Variants in CFAP299 observed in about 807,000 individuals in gnomAD.
The protein encoded by CFAP299 is cilia- and flagella-associated protein 299.
Under a neutral mutation model 27.0 loss-of-function variants are expected in CFAP299, and 21 were observed. The observed-to-expected ratio is 0.78, with a 90% CI of 0.55 to 1.12. CFAP299 has a LOEUF of 1.12. Ranked by LOEUF, CFAP299 falls within the 50% of genes most tolerant of loss-of-function variation. CFAP299 has a pLI of 0.00. For missense variants in CFAP299, 310 were observed against 276.6 expected (o/e 1.12, Z -0.86); for synonymous variants, 104 against 98.1 (o/e 1.06, Z -0.36).
At chr4:80,839,968 T>A (rs573696568) in intron 3 of CFAP299, among the ~76,000 whole-genome samples, 1 of 152,242 alleles carries the variant, frequency 6.6e-6, no homozygotes, top group Non-Finnish European at 1.5e-5. Context: ...ACTCTACAGA[T>A]AATGAAACTG....
At chr4:80,475,763 T>C (rs1397809690) in intron 2 of CFAP299, among the ~76,000 whole-genome samples, 1 of 152,174 alleles carries the variant, frequency 6.6e-6, no homozygotes, top group Non-Finnish European at 1.5e-5. Context: ...AAATATTTGG[T>C]GTTTAAAACT....
At chr4:80,594,302 C>T (rs1192513522) in intron 3 of CFAP299, among the ~76,000 whole-genome samples, 1 of 152,110 alleles carries the variant, frequency 6.6e-6, no homozygotes, top group Non-Finnish European at 1.5e-5. Flanking sequence ...ACTTTTCAAA[C>T]ACTTATAAAA....
At chr4:80,614,195 AT>A (rs949136594) in intron 3 of CFAP299, among the ~76,000 whole-genome samples, 17 of 152,244 alleles carry the variant, frequency 1.1e-4, no homozygotes, top group African/African-American at 3.4e-4. Flanking sequence ...AAATAATGCT[AT>A]TTTTTTCTAT....
At chr4:80,890,734 C>T (rs893584067) in intron 4 of CFAP299, among the ~76,000 whole-genome samples, 2 of 150,634 alleles carry the variant, frequency 1.3e-5, no homozygotes, top group Non-Finnish European at 2.9e-5. Flanking sequence ...TGTTTCCTGA[C>T]TTTTTAATGA....
chr4:80,576,432 A>G (rs1735870385), intron 2 of CFAP299, among the ~76,000 whole-genome samples: 1 of 151,862 alleles, frequency 6.6e-6, no homozygotes, highest in South Asian at 2.1e-4. Flanking sequence ...TATCTTCCAT[A>G]TTTAACTCTC....
chr4:80,591,104 A>ATTTTTTTTTTTTTT lies in CFAP299; in HGVS notation c.333+7921_333+7922insTTTTTTTTTTTTTT, dbSNP rs1339201630. Among the ~76,000 whole-genome samples, 22 of 116,528 alleles carry ATTTTTTTTTTTTTT rather than the reference A, an allele frequency of 1.9e-4. 2 individuals are homozygous for ATTTTTTTTTTTTTT. The highest frequency in any genetic ancestry group is 2.8e-4 in the Admixed American group (3 of 10,846). 76.4% of individuals were successfully genotyped at this position (116,528 alleles called of 152,430 possible). A position where few individuals can be genotyped will look rare whatever the true frequency, so the allele number is the denominator to read the frequency against. ...AGAAACAGATTATAATACTTTAGGA[A>ATTTTTTTTTTTTTT]ATTTTTTTTTTTTTTTTTTTTTTTT... On this transcript the variant is annotated intron_variant, in intron 3 of 5. Transcript: ENST00000358105.
intron 3 of CFAP299, among the ~76,000 whole-genome samples, chr4:80,609,000 A>C (rs945622482): frequency 6.6e-6 from 1 of 151,988 alleles, no homozygotes; most frequent in Non-Finnish European, 1.5e-5. Context: ...GATTGCCTAC[A>C]TTTAACTTTA....
intron 3 of CFAP299, among the ~76,000 whole-genome samples, chr4:80,640,301 A>G (rs1198116007): frequency 6.6e-6 from 1 of 152,138 alleles, no homozygotes; most frequent in African/African-American, 2.4e-5. Context: ...TGGGTGTATC[A>G]GAGCTGGCAA....
intron 3 of CFAP299, among the ~76,000 whole-genome samples, chr4:80,586,998 G>A (rs1017906856): frequency 1.3e-5 from 2 of 152,124 alleles, no homozygotes; most frequent in African/African-American, 2.4e-5. Context: ...TATGAATTAG[G>A]TGGTTCCTAA....
intron 4 of CFAP299, among the ~76,000 whole-genome samples, chr4:80,927,293 G>T (rs1246055926): frequency 9.2e-5 from 14 of 151,886 alleles, no homozygotes; most frequent in Admixed American, 9.2e-4. Flanking sequence ...ACAAAATGAG[G>T]TCAAATTCCT....
At chr4:80,933,052 G>A (rs533267915) in intron 4 of CFAP299, among the ~76,000 whole-genome samples, 1 of 151,864 alleles carries the variant, frequency 6.6e-6, no homozygotes, top group Non-Finnish European at 1.5e-5. Flanking sequence ...ATATGTATAC[G>A]TTTTGAATAA....
rs552329939 is a variant in CFAP299, at chr4:80,771,975, G to C, written c.334-98018G>C. 9.7e-4 allele frequency among the ~76,000 whole-genome samples: 147 copies of C among 152,210 alleles called. 1 individual carries two copies. The highest frequency in any genetic ancestry group is 3.4e-3 in the African/African-American group (143 of 41,548). On this transcript the variant is annotated intron_variant, in intron 3 of 5. Transcript: ENST00000358105. The stretch of plus-strand genomic sequence containing the variant: ...ATTGTTATAGCGAAAAGGAAAAATG[G>C]ACATCAAAGGACCACTAGCCATGAC...
At chr4:80,432,339 G>A (rs1006819265) in intron 2 of CFAP299, among the ~76,000 whole-genome samples, 1 of 151,856 alleles carries the variant, frequency 6.6e-6, no homozygotes, top group Non-Finnish European at 1.5e-5. Context: ...TTTTAGTAGA[G>A]ACGGGGTTTC....
intron 3 of CFAP299, among the ~76,000 whole-genome samples, chr4:80,814,071 C>G (rs2110118860): frequency 6.6e-6 from 1 of 152,076 alleles, no homozygotes. Flanking sequence ...CTCAAAAGTA[C>G]TGGAAAGTTT....
At chr4:80,741,967 T>C (rs1300768677) in intron 3 of CFAP299, among the ~76,000 whole-genome samples, 1 of 152,136 alleles carries the variant, frequency 6.6e-6, no homozygotes, top group African/African-American at 2.4e-5. Flanking sequence ...TCTAGTATGA[T>C]AGGGCAGCAC....
At chr4:80,324,448 A>T in the CFAP299 span, among the ~76,000 whole-genome samples, 1 of 152,238 alleles carries the variant, frequency 6.6e-6, no homozygotes, top group Non-Finnish European at 1.5e-5. Flanking sequence ...GAAAAGGGGA[A>T]AATTAAGCAT....
chr4:80,540,326 T>G (rs1733939877), intron 2 of CFAP299, among the ~76,000 whole-genome samples: 1 of 152,190 alleles, frequency 6.6e-6, no homozygotes, highest in African/African-American at 2.4e-5. Flanking sequence ...TTTAACCATT[T>G]TAGGATTAAT....
chr4:80,544,681 A>G (rs951019774), intron 2 of CFAP299, among the ~76,000 whole-genome samples: 2 of 152,222 alleles, frequency 1.3e-5, no homozygotes, highest in African/African-American at 4.8e-5. Flanking sequence ...CTAAATATAT[A>G]TGCACCCAAC....
chr4:80,349,197 TAAGG>T (rs1240536033), intron 1 of CFAP299, among the ~76,000 whole-genome samples: 1 of 152,170 alleles, frequency 6.6e-6, no homozygotes, highest in African/African-American at 2.4e-5. Context: ...TGGAGAAGCT[TAAGG>T]AAGAGAGCCT....
Sources: gnomAD v4.1 joint callset for allele counts (sites outside exome capture counted in the v4.1 genomes callset) on GRCh38, gnomAD v4.1.1 for gene constraint, MANE v1.5 for transcripts, NCBI Gene and HGNC (gene_info 2026-07-23, HGNC 2026-07-21) for gene names.